The following DNAJC2 variants were observed in gnomAD, a reference collection of about 807,000 sequenced individuals.
DNAJC2 encodes DnaJ heat shock protein family (Hsp40) member C2, also known as dnaJ homolog subfamily C member 2.
In DNAJC2, 32 loss-of-function variants were observed where a neutral mutation model predicts 94.0. The ratio of observed to expected loss-of-function variants is 0.34; its 90% CI spans 0.26 to 0.46. The LOEUF is 0.46. DNAJC2 is among the 20% of genes least tolerant of loss of function. The probability of loss-of-function intolerance (pLI) is 1.00; values close to 1 mark genes in which losing one functional copy is unlikely to be tolerated. For synonymous variants in DNAJC2, 210 were observed against 229.7 expected (o/e 0.91, Z 0.77); for missense variants, 550 against 719.5 (o/e 0.76, Z 2.69).
At chr7:103,344,271 G>C in intron 1 of DNAJC2, 1 of 509,700 alleles carries the variant, frequency 2.0e-6, no homozygotes, top group Non-Finnish European at 3.5e-6. Flanking sequence ...CCTTTCTGGG[G>C]TGCTGGGGGG....
intron 12 of DNAJC2, 71 bp from the exon 13 acceptor site, chr7:103,317,085 G>C (rs1392529815): frequency 7.4e-7 from 1 of 1,343,674 alleles, no homozygotes; most frequent in Non-Finnish European, 1.0e-6. Context: ...TTCCTGGCTA[G>C]GGCTTTGTGG....
At chr7:103,336,617 A>G (rs983440605) in intron 3 of DNAJC2, 6 of 152,190 alleles carry the variant, frequency 3.9e-5, no homozygotes, top group Non-Finnish European at 8.8e-5. Context: ...AAGTGTTGGG[A>G]TTATAGGCGT....
intron 3 of DNAJC2, 27 bp downstream of exon 3, chr7:103,337,709 A>C: frequency 6.4e-7 from 1 of 1,567,386 alleles, no homozygotes. Flanking sequence ...AAGATATTTG[A>C]TTATTTCAAA....
intron 12 of DNAJC2, among the ~76,000 whole-genome samples, chr7:103,317,942 C>T (rs1047039341): frequency 1.5e-4 from 20 of 130,596 alleles, no homozygotes; most frequent in South Asian, 1.4e-3. Context: ...TGAGCCACCA[C>T]GCTCATAGTG....
intron 10 of DNAJC2, among the ~76,000 whole-genome samples, chr7:103,320,602 T>C (rs1586076203): frequency 6.6e-6 from 1 of 150,634 alleles, no homozygotes; most frequent in East Asian, 2.0e-4. Flanking sequence ...CTACTAAAAA[T>C]CCAAAAAATT....
At chr7:103,313,177 C>A (rs909435898) in intron 15 of DNAJC2, 76 bp from the exon 16 acceptor site, 2 of 1,486,276 alleles carry the variant, frequency 1.3e-6, no homozygotes, top group Admixed American at 2.4e-5. Context: ...CACAAGTATT[C>A]GCTAAGTGCC....
At chr7:103,335,035 T>C (rs964970242) in intron 3 of DNAJC2, among the ~76,000 whole-genome samples, 1 of 152,116 alleles carries the variant, frequency 6.6e-6, no homozygotes, top group African/African-American at 2.4e-5. Flanking sequence ...GGTTTCGCCA[T>C]GTTGGCCAGG....
intron 10 of DNAJC2, among the ~76,000 whole-genome samples, chr7:103,321,303 G>A (rs1818395550): frequency 6.6e-6 from 1 of 152,042 alleles, no homozygotes; most frequent in South Asian, 2.1e-4. Flanking sequence ...TGGATCATGA[G>A]GTCAGGAGTT....
chr7:103,323,796 C>T (rs1818553634), intron 6 of DNAJC2, 133 bp from the exon 7 acceptor site: 8 of 695,406 alleles, frequency 1.2e-5, no homozygotes, highest in Non-Finnish European at 1.4e-5. Flanking sequence ...TCAAGTCTTT[C>T]TCCTTTTTTA....
chr7:103,314,010 C>T (rs1414076158), intron 15 of DNAJC2: 4 of 985,172 alleles, frequency 4.1e-6, no homozygotes, highest in Non-Finnish European at 4.8e-6. Context: ...AAGTTCCTTC[C>T]CAATTAAAGA....
At chr7:103,324,061 A>T (rs1818570196) in intron 6 of DNAJC2, among the ~76,000 whole-genome samples, 1 of 152,156 alleles carries the variant, frequency 6.6e-6, no homozygotes, top group Admixed American at 6.5e-5. Context: ...TTTTTGTTCT[A>T]TGTGATTTTA....
chr7:103,314,586 CA>C (rs1938244180), intron 15 of DNAJC2: 2 of 984,892 alleles, frequency 2.0e-6, no homozygotes, highest in Non-Finnish European at 2.4e-6. Context: ...GATAAAGGTG[CA>C]GGAGAATAAA....
chr7:103,344,397 A>G, intron 1 of DNAJC2, 162 bp downstream of exon 1: 2 of 708,190 alleles, frequency 2.8e-6, no homozygotes, highest in African/African-American at 1.8e-5. Flanking sequence ...CTAGGGTAGG[A>G]TTACTTTAAA....
intron 15 of DNAJC2, among the ~76,000 whole-genome samples, chr7:103,315,374 G>A (rs1817991864): frequency 6.6e-6 from 1 of 152,018 alleles, no homozygotes; most frequent in Admixed American, 6.6e-5. Flanking sequence ...CAGACATGAT[G>A]CCTCTTTATT....
In DNAJC2 at chr7:103,327,732, A is replaced by G; in HGVS notation, c.354T>C (p.His118=). 3 of 1,613,166 alleles carry G rather than the reference A, an allele frequency of 1.9e-6. No individual in the cohort carries two copies. Among genetic ancestry groups the G allele is most frequent in the Non-Finnish European group, 2.5e-6 (3 of 1,179,534 alleles). Residue 118 remains histidine (H), a synonymous_variant, in exon 4 of 17, where the codon CAT becomes CAC. Coordinates refer to ENST00000379263, the MANE Select transcript of DNAJC2 (RefSeq NM_014377.3). ...CAGCTGCTTTCCGTTTGTCTGGGTG[A>G]TGTTTTAAAACCATTGCTTTATCTA... The part of the protein sequence containing the change: ...KAAHKAMVLK[H]HPDKRKAAGE...
intron 3 of DNAJC2, chr7:103,335,756 G>A (rs887128440): frequency 5.3e-5 from 8 of 152,134 alleles, no homozygotes; most frequent in African/African-American, 1.9e-4. Context: ...ACATTGGCCG[G>A]GCTAGTATTG....
At position 103,312,967 on chromosome 7, in the gene DNAJC2, C is replaced by T. The variant is rs779190740; in HGVS notation, c.1771G>A (p.Asp591Asn). 6.8e-6 allele frequency: 11 copies of T among 1,613,498 alleles called. No homozygotes were observed. In the African/African-American group the frequency reaches 1.5e-4, roughly 22 times the overall value. Residue 591 changes from aspartate to asparagine, a missense_variant, in exon 16 of 17, where the codon GAC (aspartate) becomes AAC (asparagine). By Grantham distance (23) the Asp-to-Asn change is conservative (BLOSUM62 1). Transcript: ENST00000379263. Reference sequence around the variant, plus strand: ...GCAACCTTGTATCGTTTCATGCAGTCCTTCTTTGTCCTGCCAGGCACCGCT... The same window carrying T: ...GCAACCTTGTATCGTTTCATGCAGTTCTTCTTTGTCCTGCCAGGCACCGCT... ...AEAVPGRTKK[D>N]CMKRYKELVE... is the part of the protein sequence containing the mutation.
At chr7:103,344,487 G>A (rs1292576288) in intron 1 of DNAJC2, 72 bp downstream of exon 1, 21 of 1,562,108 alleles carry the variant, frequency 1.3e-5, no homozygotes, top group Non-Finnish European at 1.7e-5. Flanking sequence ...AGAGAGCCCA[G>A]GGTTGCCGAG....
At chr7:103,313,343 C>CCTTGTACT in intron 15 of DNAJC2, 11 of 1,199,496 alleles carry the variant, frequency 9.2e-6, no homozygotes, top group Non-Finnish European at 1.1e-5. Flanking sequence ...TAAAGATCTA[C>CCTTGTACT]CTTGTACTGT....
Sources: allele counts gnomAD v4.1 joint callset (sites outside exome capture counted in the v4.1 genomes callset), GRCh38; gene constraint gnomAD v4.1.1; transcripts MANE v1.5; gene names NCBI Gene and HGNC (gene_info 2026-07-23, HGNC 2026-07-21).